The following SMAD1 variants were observed in gnomAD, a reference collection of about 807,000 sequenced individuals.
SMAD1 encodes SMAD family member 1, also known as MAD, mothers against decapentaplegic homolog 1.
SMAD1 carries 6 observed loss-of-function variants against 41.6 expected under a neutral mutation model. The ratio of observed to expected loss-of-function variants is 0.14; its 90% CI spans 0.08 to 0.28. SMAD1 has a LOEUF of 0.28. Ranked by LOEUF, SMAD1 falls within the 10% of genes least tolerant of loss-of-function variation. SMAD1 has a pLI of 1.00. For synonymous variants in SMAD1, 206 were observed against 203.2 expected, an observed-to-expected ratio of 1.01 and a Z score of -0.12; for missense variants, 379 against 582.6, an observed-to-expected ratio of 0.65 and a Z score of 3.60.
In SMAD1 at chr4:145,509,047, C is replaced by T. The variant is rs542928923; in HGVS notation, c.-176-5391C>T. Among the ~76,000 whole-genome samples the T allele has an allele frequency of 8.5e-5, 13 of 152,300 alleles. No individual in the cohort carries two copies. The South Asian group carries it at 2.3e-3, about 27-fold the overall frequency. On this transcript the variant is annotated intron_variant, in intron 1 of 6. Coordinates refer to ENST00000302085, the MANE Select transcript of SMAD1 (RefSeq NM_005900.3). The stretch of plus-strand genomic sequence containing the variant: ...GATACTTGTTTTATAGCCTTTATCA[C>T]ATGATATTAGAGTAAGTTAATAGTA...
At chr4:145,548,067 T>C (rs1243229792) in intron 5 of SMAD1, among the ~76,000 whole-genome samples, 1 of 152,000 alleles carries the variant, frequency 6.6e-6, no homozygotes, top group African/African-American at 2.4e-5. Context: ...TGGAGCATCT[T>C]GTTGTGGCAG....
rs201725603 is a variant in SMAD1 at position 145,546,893 on chromosome 4, T to C, written c.966T>C (p.Thr322=). 1.5e-4 allele frequency: 249 copies of C among 1,613,978 alleles called. 3 individuals carry two copies. The South Asian group carries it at 2.6e-3, about 17-fold the overall frequency. ...GLLSNVNRNS[T]IENTRRHIGK... is the part of the protein sequence containing the mutation. ...TCTCCAATGTTAACCGGAATTCCAC[T>C]ATTGAAAACACCAGGCGGCATATTG... Residue 322 remains threonine (T), a synonymous_variant, in exon 5 of 7, where the codon ACT becomes ACC. Transcript: ENST00000302085.
At chr4:145,500,848 T>G (rs1729399075) in intron 1 of SMAD1, among the ~76,000 whole-genome samples, 1 of 152,228 alleles carries the variant, frequency 6.6e-6, no homozygotes, top group Non-Finnish European at 1.5e-5. Context: ...AATCACTTTG[T>G]TTTTCAGCAT....
intron 1 of SMAD1, among the ~76,000 whole-genome samples, chr4:145,505,176 A>G (rs1729694689): frequency 6.6e-6 from 1 of 152,150 alleles, no homozygotes; most frequent in South Asian, 2.1e-4. Flanking sequence ...TTTTATAGTA[A>G]TGAGAATTAC....
chr4:145,538,518 G>A (rs1475246780), intron 2 of SMAD1, among the ~76,000 whole-genome samples: 2 of 152,054 alleles, frequency 1.3e-5, no homozygotes, highest in Non-Finnish European at 2.9e-5. Flanking sequence ...TATCTAAAAA[G>A]CAATTTTCAG....
In SMAD1 at chr4:145,553,910, C is replaced by A. The variant is rs771262658; in HGVS notation, c.1124C>A (p.Pro375His). The A allele has an allele frequency of 6.2e-7, 1 of 1,614,044 alleles. No individual in the cohort carries two copies. Among genetic ancestry groups the A allele is most frequent in the Non-Finnish European group, 8.5e-7 (1 of 1,179,994 alleles). Residue 375 changes from proline (P) to histidine (H), a missense_variant, in exon 6 of 7, where the codon CCT becomes CAT. Pro to His is a moderately conservative substitution (Grantham distance 77, BLOSUM62 -2). Transcript: ENST00000302085. ...CATCCTACTACTGTTTGCAAGATCC[C>A]TAGTGGGTGTAGTCTGAAAATTTTT... ...GFHPTTVCKI[P>H]SGCSLKIFNN...
At chr4:145,505,867 C>T (rs1428197366) in intron 1 of SMAD1, among the ~76,000 whole-genome samples, 12 of 149,820 alleles carry the variant, frequency 8.0e-5, no homozygotes, top group Admixed American at 2.6e-4. Context: ...TTTTTTGAGG[C>T]GGAGTCTCAA....
intron 5 of SMAD1, 26 bp from the exon 6 acceptor site, chr4:145,553,758 A>G (rs1227910047): frequency 6.2e-7 from 1 of 1,603,006 alleles, no homozygotes; most frequent in South Asian, 1.1e-5. Context: ...AATAATAACT[A>G]AATGGTATGC....
intron 2 of SMAD1, among the ~76,000 whole-genome samples, chr4:145,536,798 T>G (rs1003643754): frequency 6.6e-6 from 1 of 152,256 alleles, no homozygotes; most frequent in African/African-American, 2.4e-5. Context: ...AAAGGAAAGA[T>G]AGAGACTGTC....
At chr4:145,513,921 T>C (rs957014264) in intron 1 of SMAD1, among the ~76,000 whole-genome samples, 10 of 152,236 alleles carry the variant, frequency 6.6e-5, no homozygotes, top group Admixed American at 3.3e-4. Flanking sequence ...TTGTATTACC[T>C]AACTCAAAGG....
chr4:145,552,128 GCTT>G (rs1328499033), intron 5 of SMAD1, among the ~76,000 whole-genome samples: 2 of 152,086 alleles, frequency 1.3e-5, no homozygotes, highest in Non-Finnish European at 2.9e-5. Flanking sequence ...AATATTTTCT[GCTT>G]CTTTATATTT....
intron 1 of SMAD1, among the ~76,000 whole-genome samples, chr4:145,512,533 A>G (rs776263014): frequency 6.6e-6 from 1 of 152,132 alleles, no homozygotes; most frequent in Non-Finnish European, 1.5e-5. Flanking sequence ...CATCCTATTT[A>G]AAGTCTCATT....
chr4:145,507,725 A>G (rs1560734308), intron 1 of SMAD1, among the ~76,000 whole-genome samples: 1 of 151,762 alleles, frequency 6.6e-6, no homozygotes. Context: ...AGGGAAGGAA[A>G]TCTCTGTTTG....
intron 1 of SMAD1, among the ~76,000 whole-genome samples, chr4:145,512,666 T>C (rs942497644): frequency 1.3e-5 from 2 of 152,232 alleles, no homozygotes; most frequent in African/African-American, 4.8e-5. Flanking sequence ...ATTAATACTT[T>C]AAAGTCTGTT....
At chr4:145,557,669 G>C in intron 6 of SMAD1, 122 bp from the exon 7 acceptor site, 2 of 661,128 alleles carry the variant, frequency 3.0e-6, no homozygotes, top group Non-Finnish European at 4.8e-6. Context: ...CAGGGGCGGG[G>C]GGGTCAGGGA....
At chr4:145,524,018 G>T (rs1730898073) in intron 2 of SMAD1, among the ~76,000 whole-genome samples, 1 of 152,116 alleles carries the variant, frequency 6.6e-6, no homozygotes, top group Non-Finnish European at 1.5e-5. Context: ...TCCCACCTCA[G>T]CTTCTCAAAG....
intron 1 of SMAD1, among the ~76,000 whole-genome samples, chr4:145,486,719 A>G (rs1167362741): frequency 2.6e-5 from 4 of 152,206 alleles, no homozygotes; most frequent in Admixed American, 2.0e-4. Context: ...GAATAGAGAT[A>G]CTTAGTATTA....
chr4:145,505,243 A>G (rs890981969), intron 1 of SMAD1, among the ~76,000 whole-genome samples: 1 of 152,186 alleles, frequency 6.6e-6, no homozygotes, highest in Non-Finnish European at 1.5e-5. Flanking sequence ...TAATTTAAGC[A>G]TCTCAAACAA....
chr4:145,499,836 G>A (rs1729324691), intron 1 of SMAD1, among the ~76,000 whole-genome samples: 1 of 151,920 alleles, frequency 6.6e-6, no homozygotes, highest in Admixed American at 6.6e-5. Context: ...TGGACATTTA[G>A]TCCATAATTC....
Sources: allele counts gnomAD v4.1 joint callset (sites outside exome capture counted in the v4.1 genomes callset), GRCh38; gene constraint gnomAD v4.1.1; transcripts MANE v1.5; gene names NCBI Gene and HGNC (gene_info 2026-07-23, HGNC 2026-07-21).